The following CFAP52 variants were observed in gnomAD, a reference collection of about 807,000 sequenced individuals.
CFAP52 encodes the protein cilia and flagella associated protein 52.
In CFAP52, 57 loss-of-function variants were observed where a neutral mutation model predicts 70.5. That is an observed-to-expected ratio of 0.81 (90% CI 0.65 to 1.01). The LOEUF is 1.01. CFAP52 is among the 50% of genes least tolerant of loss of function. CFAP52 has a pLI of 0.00. For missense variants in CFAP52, 785 were observed against 788.5 expected, an observed-to-expected ratio of 1.00 and a Z score of 0.05; for synonymous variants, 267 against 292.5, an observed-to-expected ratio of 0.91 and a Z score of 0.89.
chr17:9,642,485 G>A (rs536687681), intron 13 of CFAP52, among the ~76,000 whole-genome samples: 7 of 152,294 alleles, frequency 4.6e-5, no homozygotes, highest in South Asian at 4.1e-4. Context: ...TTAGCCGGGC[G>A]TGGTGGTGCA....
chr17:9,628,878 C>T, intron 9 of CFAP52, 58 bp downstream of exon 9: 1 of 1,607,384 alleles, frequency 6.2e-7, no homozygotes, highest in Non-Finnish European at 8.5e-7. Flanking sequence ...TGATTCTTGT[C>T]ACTCTCCTCC....
rs764091622 is a variant in CFAP52 at position 9,576,725 on chromosome 17, A to G, written c.30A>G (p.Gln10=). The G allele has an allele frequency of 1.6e-5, 25 of 1,612,486 alleles. No individual in the cohort carries two copies. The highest frequency in any genetic ancestry group is 2.0e-5 in the Non-Finnish European group (24 of 1,179,298). The change falls in exon 1 of 14, where the codon CAA becomes CAG. Residue 10 remains glutamine (Q), a synonymous_variant. Coordinates refer to ENST00000352665, the MANE Select transcript of CFAP52 (RefSeq NM_145054.5). MDNKISPEA[Q]VAELELDAVI... Reference sequence around the variant, plus strand: ...ATAACAAAATTTCGCCGGAGGCCCAAGTGGCGGAGCTGGAACTTGACGCCG... The same window carrying G: ...ATAACAAAATTTCGCCGGAGGCCCAGGTGGCGGAGCTGGAACTTGACGCCG...
intron 4 of CFAP52, among the ~76,000 whole-genome samples, chr17:9,597,057 C>A (rs1488190575): frequency 6.6e-6 from 1 of 152,014 alleles, no homozygotes; most frequent in Non-Finnish European, 1.5e-5. Context: ...GTCCTTTGAC[C>A]AACATCTCCC....
Position 9,594,296 on chromosome 17 carries a change from G to T in CFAP52, c.511G>T (p.Asp171Tyr), listed in dbSNP as rs548312169. 1.1e-5 allele frequency: 18 copies of T among 1,614,002 alleles called. No homozygotes were observed. The South Asian group carries it at 1.9e-4, about 17-fold the overall frequency. Residue 171 changes from aspartate (D) to tyrosine (Y), a missense_variant, in exon 4 of 14, where the codon GAT (aspartate) becomes TAT (tyrosine). Coordinates refer to ENST00000352665, the MANE Select transcript of CFAP52 (RefSeq NM_145054.5). ...CAATGTGATCTTCTCCAGGTGCCGG[G>T]ATGAGATGTTTATGACTGCTGGAAA... ...ATNVIFSRCR[D>Y]EMFMTAGNGT...
At chr17:9,633,857 T>A (rs1312133666) in intron 10 of CFAP52, among the ~76,000 whole-genome samples, 1 of 151,390 alleles carries the variant, frequency 6.6e-6, no homozygotes, top group Non-Finnish European at 1.5e-5. Flanking sequence ...TTTTTTGTAT[T>A]TTTTTAGTAG....
intron 4 of CFAP52, among the ~76,000 whole-genome samples, chr17:9,597,145 G>A (rs977798124): frequency 4.6e-5 from 7 of 152,176 alleles, no homozygotes; most frequent in East Asian, 3.9e-4. Flanking sequence ...CCACAGCTGC[G>A]TAAAGTCATG....
At chr17:9,585,669 T>C in intron 1 of CFAP52, 104 bp from the exon 2 acceptor site, 1 of 1,085,094 alleles carries the variant, frequency 9.2e-7, no homozygotes, top group Non-Finnish European at 1.3e-6. Context: ...CAAGACTCTG[T>C]CACACACACA....
chr17:9,592,350 C>T (rs533139007), intron 3 of CFAP52, among the ~76,000 whole-genome samples: 1 of 151,862 alleles, frequency 6.6e-6, no homozygotes, highest in Non-Finnish European at 1.5e-5. Context: ...GCCCCTGTAA[C>T]CCCAGCTACT....
chr17:9,636,336 G>A (rs146836355), intron 11 of CFAP52, among the ~76,000 whole-genome samples: 67 of 152,306 alleles, frequency 4.4e-4, no homozygotes, highest in African/African-American at 1.5e-3. Flanking sequence ...CCATGGAGGG[G>A]AGGGATGCTG....
intron 3 of CFAP52, among the ~76,000 whole-genome samples, chr17:9,592,635 T>G (rs1454746267): frequency 6.6e-6 from 1 of 152,244 alleles, no homozygotes; most frequent in East Asian, 1.9e-4. Context: ...CTTTTGTGAC[T>G]GGCTTCTTTC....
chr17:9,580,139 C>T (rs1164174305), intron 1 of CFAP52, among the ~76,000 whole-genome samples: 2 of 152,006 alleles, frequency 1.3e-5, no homozygotes. Context: ...AAACTATAGC[C>T]CATGGGCCAA....
In CFAP52 at chr17:9,598,222, T is replaced by G. The variant is rs560420735; in HGVS notation, c.537-12T>G. The G allele has an allele frequency of 3.4e-4, 544 of 1,588,806 alleles. 1 individual carries two copies. Among genetic ancestry groups the G allele is most frequent in the Middle Eastern group, 3.4e-4 (2 of 5,806 alleles). ...ATTTGATTGTGGTTTTTTGTTTTTT[T>G]TTTTTACATAGTGGGACAATTCGAG... On this transcript the variant is annotated splice_polypyrimidine_tract_variant and intron_variant, in intron 4 of 13. Transcript: ENST00000352665.
intron 3 of CFAP52, among the ~76,000 whole-genome samples, chr17:9,591,889 T>G (rs527758479): frequency 1.9e-4 from 29 of 151,956 alleles, no homozygotes; most frequent in Non-Finnish European, 3.8e-4. Context: ...AAAAAAAAAT[T>G]GTTTTTGAAA....
At chr17:9,627,532 A>T (rs890283470) in intron 8 of CFAP52, among the ~76,000 whole-genome samples, 2 of 152,156 alleles carry the variant, frequency 1.3e-5, no homozygotes, top group Non-Finnish European at 2.9e-5. Context: ...GAATAAATAA[A>T]TAAATATTGT....
chr17:9,641,075 C>T (rs1179447551), intron 12 of CFAP52, among the ~76,000 whole-genome samples: 1 of 152,138 alleles, frequency 6.6e-6, no homozygotes, highest in Non-Finnish European at 1.5e-5. Flanking sequence ...TGTGCATTCA[C>T]AAAGTTTAAG....
chr17:9,576,787 G>A, intron 1 of CFAP52, 22 bp downstream of exon 1: 1 of 1,605,696 alleles, frequency 6.2e-7, no homozygotes, highest in Non-Finnish European at 8.5e-7. Flanking sequence ...AGCATCTTTG[G>A]GCTGGCTGGT....
chr17:9,638,521 C>T (rs1910909327), intron 11 of CFAP52, 88 bp from the exon 12 acceptor site: 1 of 1,284,198 alleles, frequency 7.8e-7, no homozygotes, highest in African/African-American at 1.5e-5. Context: ...ACCCAAATCC[C>T]AGCTTGCACC....
intron 6 of CFAP52, among the ~76,000 whole-genome samples, chr17:9,604,530 G>A (rs28877412): frequency 0.012 from 1,829 of 152,174 alleles, 36 homozygotes; most frequent in African/African-American, 0.042. Context: ...CACTTTGGGA[G>A]GCTGAGGCGG....
chr17:9,622,600 GA>G (rs1910087042), intron 8 of CFAP52, among the ~76,000 whole-genome samples: 1 of 151,488 alleles, frequency 6.6e-6, no homozygotes, highest in Non-Finnish European at 1.5e-5. Context: ...GTAGAAGAAA[GA>G]AAAAAAGAAA....
Sources: allele counts gnomAD v4.1 joint callset (sites outside exome capture counted in the v4.1 genomes callset), GRCh38; gene constraint gnomAD v4.1.1; transcripts MANE v1.5; gene names NCBI Gene and HGNC (gene_info 2026-07-23, HGNC 2026-07-21).